Variants in ARNT2 observed in about 807,000 individuals in gnomAD.
ARNT2 encodes the protein ARNT protein 2.
Under a neutral mutation model 91.7 loss-of-function variants are expected in ARNT2, and 36 were observed. The observed-to-expected ratio is 0.39, with a 90% confidence interval of 0.30 to 0.52. The LOEUF is 0.52. Ranked by LOEUF, ARNT2 falls within the 20% of genes least tolerant of loss-of-function variation. ARNT2 has a pLI of 0.72. For synonymous variants in ARNT2, 365 were observed against 347.1 expected (o/e 1.05, Z -0.57); for missense variants, 775 against 939.3 (o/e 0.83, Z 2.29).
intron 11 of ARNT2, among the ~76,000 whole-genome samples, chr15:80,561,586 C>T (rs528228368): frequency 1.3e-5 from 2 of 152,352 alleles, no homozygotes; most frequent in South Asian, 4.1e-4. Context: ...CAGTCAACCA[C>T]AGTCCAAAAA....
At chr15:80,470,028 T>C (rs1410552483) in intron 3 of ARNT2, among the ~76,000 whole-genome samples, 190 bp from the exon 4 acceptor site, 1 of 152,190 alleles carries the variant, frequency 6.6e-6, no homozygotes, top group Non-Finnish European at 1.5e-5. Context: ...TTCCAACACA[T>C]AGATGTAAGA....
chr15:80,513,293 C>A (rs115426835), intron 6 of ARNT2, among the ~76,000 whole-genome samples: 3,398 of 152,254 alleles, frequency 0.022, 110 homozygotes, highest in African/African-American at 0.077. Flanking sequence ...ATGCCACCAT[C>A]CCCTGCCTCC....
intron 5 of ARNT2, among the ~76,000 whole-genome samples, chr15:80,503,639 C>T (rs1447360495): frequency 6.6e-6 from 1 of 152,178 alleles, no homozygotes; most frequent in East Asian, 1.9e-4. Context: ...AAGCAAGTGA[C>T]AATTTACACT....
chr15:80,523,751 G>C (rs567628914), intron 8 of ARNT2, among the ~76,000 whole-genome samples: 3 of 152,262 alleles, frequency 2.0e-5, no homozygotes, highest in African/African-American at 7.2e-5. Flanking sequence ...GTGCGGACAG[G>C]TGACTGCATC....
chr15:80,413,076 A>C (rs540273926), intron 1 of ARNT2, among the ~76,000 whole-genome samples: 1 of 152,226 alleles, frequency 6.6e-6, no homozygotes, highest in Non-Finnish European at 1.5e-5. Context: ...TAATAATTTC[A>C]GTGGCTTTTT....
chr15:80,433,252 A>ATTTTG (rs373191282), intron 1 of ARNT2, among the ~76,000 whole-genome samples: 1 of 68,174 alleles, frequency 1.5e-5, no homozygotes, highest in Non-Finnish European at 3.2e-5. Flanking sequence ...ATTTTATTTT[A>ATTTTG]TTTTATTTTA....
chr15:80,565,538 GTT>G (rs537342917), intron 12 of ARNT2, among the ~76,000 whole-genome samples: 1 of 140,914 alleles, frequency 7.1e-6, no homozygotes, highest in Admixed American at 7.0e-5. Context: ...TTTTGTTATT[GTT>G]TTTTTTTTTT....
chr15:80,406,776 A>G (rs1445848750), intron 1 of ARNT2, among the ~76,000 whole-genome samples: 1 of 152,218 alleles, frequency 6.6e-6, no homozygotes, highest in Non-Finnish European at 1.5e-5. Context: ...AGAGATCTTC[A>G]GCATGGTGAT....
rs2278708 is a variant in ARNT2 at position 80,451,009 on chromosome 15, C to T, written c.146+15C>T. 67,893 of 1,608,010 alleles carry T rather than the reference C, an allele frequency of 0.042. 2,075 individuals carry two copies. Among genetic ancestry groups the T allele is most frequent in the East Asian group, 0.17 (7,677 of 44,792 alleles). On this transcript the variant is annotated intron_variant, in intron 2 of 18. Transcript: ENST00000303329. The stretch of plus-strand genomic sequence containing the variant: ...CGGCGTTCCGGGTAAGCGACCTCAG[C>T]GTTTCCAGGAATTGGCTTAATAAAT...
chr15:80,584,873 G>A (rs1289192899), intron 17 of ARNT2, among the ~76,000 whole-genome samples: 2 of 152,252 alleles, frequency 1.3e-5, no homozygotes, highest in Admixed American at 6.5e-5. Context: ...CAGGGGATTT[G>A]GAATGCCTGC....
chr15:80,505,397 AG>A (rs1897259585), intron 5 of ARNT2, among the ~76,000 whole-genome samples: 1 of 152,252 alleles, frequency 6.6e-6, no homozygotes, highest in Non-Finnish European at 1.5e-5. Flanking sequence ...CTTCAGAGGC[AG>A]GAAGTGCACA....
intron 5 of ARNT2, among the ~76,000 whole-genome samples, chr15:80,480,789 T>C (rs527870819): frequency 6.8e-4 from 103 of 152,236 alleles, no homozygotes; most frequent in African/African-American, 2.4e-3. Flanking sequence ...CTGCCTTCTT[T>C]GCTTCCTTTC....
intron 1 of ARNT2, among the ~76,000 whole-genome samples, chr15:80,421,589 G>T (rs992331795): frequency 3.9e-5 from 6 of 152,180 alleles, no homozygotes; most frequent in Admixed American, 2.0e-4. Context: ...CATTGTATAG[G>T]TTATATGAAT....
At chr15:80,433,287 A>ATTTTATTTTT (rs1896038784) in intron 1 of ARNT2, among the ~76,000 whole-genome samples, 1 of 132,518 alleles carries the variant, frequency 7.5e-6, no homozygotes, top group Admixed American at 8.0e-5. Flanking sequence ...ATTTTATTTT[A>ATTTTATTTTT]TTTTATTTTA....
chr15:80,444,015 T>G (rs536774048), intron 1 of ARNT2, among the ~76,000 whole-genome samples: 4 of 152,228 alleles, frequency 2.6e-5, no homozygotes, highest in Admixed American at 2.6e-4. Context: ...AATGTGTTCA[T>G]GTTTCTATGC....
chr15:80,470,151 A>G (rs1266347370), intron 3 of ARNT2, 67 bp from the exon 4 acceptor site: 3 of 1,454,878 alleles, frequency 2.1e-6, no homozygotes, highest in Admixed American at 2.0e-5. Context: ...TTATCCCATT[A>G]GATAGTAATC....
At chr15:80,581,670 T>C (rs1338689638) in intron 17 of ARNT2, among the ~76,000 whole-genome samples, 2 of 152,218 alleles carry the variant, frequency 1.3e-5, no homozygotes, top group Non-Finnish European at 2.9e-5. Flanking sequence ...CTGAATACCA[T>C]TTTAACCCAT....
At chr15:80,491,254 C>A (rs767338269) in intron 5 of ARNT2, among the ~76,000 whole-genome samples, 41 of 152,282 alleles carry the variant, frequency 2.7e-4, no homozygotes, top group Non-Finnish European at 1.0e-4. Flanking sequence ...CCTTACAGTT[C>A]CACATGGCTG....
intron 5 of ARNT2, among the ~76,000 whole-genome samples, chr15:80,492,990 A>G (rs1298058058): frequency 1.3e-5 from 2 of 152,208 alleles, no homozygotes; most frequent in East Asian, 3.8e-4. Flanking sequence ...AGACTGATTA[A>G]TTTATAATGA....
Sources: gnomAD v4.1 joint callset for allele counts (sites outside exome capture counted in the v4.1 genomes callset) on GRCh38, gnomAD v4.1.1 for gene constraint, MANE v1.5 for transcripts, NCBI Gene and HGNC (gene_info 2026-07-23, HGNC 2026-07-21) for gene names.